Variants in ARMH4 observed in about 807,000 individuals in gnomAD.
ARMH4 encodes the protein armadillo like helical domain containing 4, also known as armadillo-like helical domain-containing protein 4.
A neutral mutation model predicts 61.9 loss-of-function variants in ARMH4; 49 were observed. The ratio of observed to expected loss-of-function variants is 0.79; its 90% confidence interval spans 0.63 to 1.00. The LOEUF (loss-of-function observed/expected upper bound fraction) is 1.00, where lower values mean the gene tolerates loss of function less well. Ranked by LOEUF, ARMH4 falls within the 50% of genes least tolerant of loss-of-function variation. The pLI is 0.00. For missense variants in ARMH4, 934 were observed against 930.0 expected (o/e 1.00, Z -0.06); for synonymous variants, 368 against 341.5 (o/e 1.08, Z -0.85).
At chr14:58,115,653 A>G (rs1054228137) in intron 4 of ARMH4, among the ~76,000 whole-genome samples, 4 of 152,218 alleles carry the variant, frequency 2.6e-5, no homozygotes, top group African/African-American at 9.6e-5. Context: ...AAAATAGCAA[A>G]GGCAGGTAAT....
At chr14:58,035,853 G>T (rs1234981197) in intron 5 of ARMH4, among the ~76,000 whole-genome samples, 9 of 140,722 alleles carry the variant, frequency 6.4e-5, no homozygotes, top group African/African-American at 2.4e-4. Flanking sequence ...AAACCAGGAA[G>T]AAGTTGAATC....
chr14:58,070,173 G>T (rs147857181), intron 5 of ARMH4, among the ~76,000 whole-genome samples: 2,721 of 152,190 alleles, frequency 0.018, 197 homozygotes, highest in Admixed American at 0.13. Flanking sequence ...AGACAATGAG[G>T]GTTCCCAAAT....
intron 5 of ARMH4, among the ~76,000 whole-genome samples, chr14:58,051,674 C>A (rs1884146878): frequency 6.6e-6 from 1 of 152,134 alleles, no homozygotes; most frequent in Admixed American, 6.5e-5. Flanking sequence ...CCTTTTCATT[C>A]CAGGGCATCG....
Position 58,079,651 on chromosome 14 carries a change from A to G in ARMH4, c.2089+17073T>C, listed in dbSNP as rs117083731. On this transcript the variant is annotated intron_variant, in intron 5 of 7. Coordinates refer to ENST00000267485, the MANE Select transcript of ARMH4 (RefSeq NM_001001872.4). ...ATTTACCATATATTTATGTGCCCAC[A>G]AAAACTCTATGTAAAAGTAGGTATT... is the stretch of plus-strand genomic sequence containing the variant. 7.0e-3 allele frequency among the ~76,000 whole-genome samples: 1,069 copies of G among 152,356 alleles called. 8 individuals are homozygous for G. The highest frequency in any genetic ancestry group is 0.024 in the Middle Eastern group (7 of 294).
chr14:58,077,383 G>A (rs1202229887), intron 5 of ARMH4, among the ~76,000 whole-genome samples: 1 of 152,106 alleles, frequency 6.6e-6, no homozygotes, highest in Non-Finnish European at 1.5e-5. Flanking sequence ...ACAGGAGGAT[G>A]GCTTGAGCCC....
At chr14:58,059,987 T>C (rs1229940064) in intron 5 of ARMH4, among the ~76,000 whole-genome samples, 1 of 152,166 alleles carries the variant, frequency 6.6e-6, no homozygotes, top group Non-Finnish European at 1.5e-5. Context: ...ATGTTGTCAA[T>C]ACGTAGAAAA....
intron 5 of ARMH4, among the ~76,000 whole-genome samples, chr14:58,042,955 A>G (rs1883780525): frequency 6.6e-6 from 1 of 152,192 alleles, no homozygotes; most frequent in African/African-American, 2.4e-5. Context: ...AATTGAGGCA[A>G]TAATTAATAG....
At chr14:58,116,827 A>T (rs1178700877) in intron 4 of ARMH4, among the ~76,000 whole-genome samples, 1 of 152,216 alleles carries the variant, frequency 6.6e-6, no homozygotes, top group East Asian at 1.9e-4. Context: ...TTTACTGCCC[A>T]CAACAACTCC....
intron 5 of ARMH4, among the ~76,000 whole-genome samples, chr14:58,086,544 T>C (rs1401915894): frequency 6.6e-6 from 1 of 152,132 alleles, no homozygotes; most frequent in African/African-American, 2.4e-5. Flanking sequence ...ATTAACCTTA[T>C]GTTATCTAAA....
At chr14:58,132,719 C>G (rs866485877) in intron 3 of ARMH4, among the ~76,000 whole-genome samples, 127 of 151,498 alleles carry the variant, frequency 8.4e-4, no homozygotes, top group Non-Finnish European at 8.7e-4. Flanking sequence ...CCGAGTAGCT[C>G]GGACTACAGG....
At chr14:58,141,510 T>C (rs1887550068) in intron 1 of ARMH4, 2 of 538,354 alleles carry the variant, frequency 3.7e-6, no homozygotes, top group Admixed American at 3.9e-5. Context: ...GAGGTGGCAT[T>C]ACTGAGCCTT....
At position 58,138,140 on chromosome 14, in the gene ARMH4, T is replaced by C; in HGVS notation, c.1219A>G (p.Met407Val). Residue 407 changes from methionine (M) to valine (V), a missense_variant, in exon 2 of 8, where the codon ATG (methionine) becomes GTG (valine). Met to Val is a conservative substitution (Grantham distance 21). Coordinates refer to ENST00000267485, the MANE Select transcript of ARMH4 (RefSeq NM_001001872.4). ...AGCAAGTTCACAATGGAAACTTTCA[T>C]GTCTTCCATCAGACTTGTGGGGGTA... The part of the protein sequence containing the change: ...SFTPTSLMED[M>V]KVSIVNLLQS... The C allele has an allele frequency of 1.2e-6, 2 of 1,614,226 alleles. No homozygotes were observed. The highest frequency in any genetic ancestry group is 2.2e-5 in the South Asian group (2 of 91,084).
At chr14:58,009,828 AGAGAG>A (rs369913931) in intron 6 of ARMH4, among the ~76,000 whole-genome samples, 137 of 106,454 alleles carry the variant, frequency 1.3e-3, no homozygotes, top group Non-Finnish European at 1.9e-3. Context: ...AAAAAAAAAA[AGAGAG>A]AGAGAGAGAG....
intron 5 of ARMH4, among the ~76,000 whole-genome samples, chr14:58,089,064 A>G (rs946906433): frequency 6.6e-6 from 1 of 152,158 alleles, no homozygotes; most frequent in Admixed American, 6.5e-5. Context: ...GCCAAGATTG[A>G]GAGCAGTCAT....
chr14:58,060,216 A>C (rs1884484989), intron 5 of ARMH4, among the ~76,000 whole-genome samples: 1 of 152,212 alleles, frequency 6.6e-6, no homozygotes, highest in South Asian at 2.1e-4. Context: ...CTACACTGAA[A>C]AGACTGAGTA....
rs369154682 is a variant in ARMH4, at chr14:58,126,042, G to A, written c.1831+5470C>T. On this transcript the variant is annotated intron_variant, in intron 4 of 7. Transcript: ENST00000267485. ...GACCACAGGGGGAGGGACAATGATC[G>A]GGATATAAACCCAGGCATTCGAGCT... Among the ~76,000 whole-genome samples, 353 of 152,216 alleles carry A rather than the reference G, an allele frequency of 2.3e-3. 1 individual carries two copies. Among genetic ancestry groups the A allele is most frequent in the African/African-American group, 7.5e-3 (311 of 41,526 alleles).
At chr14:58,106,330 AG>A (rs1320044349) in intron 4 of ARMH4, among the ~76,000 whole-genome samples, 19 of 152,232 alleles carry the variant, frequency 1.2e-4, no homozygotes, top group Admixed American at 1.2e-3. Flanking sequence ...ATGAGATGTC[AG>A]CCAAAACCCT....
At chr14:58,083,142 T>C (rs1246021589) in intron 5 of ARMH4, among the ~76,000 whole-genome samples, 1 of 152,218 alleles carries the variant, frequency 6.6e-6, no homozygotes, top group African/African-American at 2.4e-5. Context: ...ACTGAGACTT[T>C]AGAGTTGTTT....
intron 5 of ARMH4, among the ~76,000 whole-genome samples, chr14:58,013,888 G>T (rs555806572): frequency 3.3e-5 from 5 of 152,006 alleles, no homozygotes; most frequent in Non-Finnish European, 5.9e-5. Flanking sequence ...TTACCAAGGC[G>T]TGGTGGCAGA....
Sources: allele counts gnomAD v4.1 joint callset (sites outside exome capture counted in the v4.1 genomes callset), GRCh38; gene constraint gnomAD v4.1.1; transcripts MANE v1.5; gene names NCBI Gene and HGNC (gene_info 2026-07-23, HGNC 2026-07-21).